The following CAST variants were observed in gnomAD, a reference collection of about 807,000 sequenced individuals.
CAST encodes the protein MIR583 host.
Under a neutral mutation model 119.6 loss-of-function variants are expected in CAST, and 76 were observed. The ratio of observed to expected loss-of-function variants is 0.64; its 90% CI spans 0.53 to 0.77. The LOEUF (loss-of-function observed/expected upper bound fraction) is 0.77, where lower values mean the gene tolerates loss of function less well. Ranked by LOEUF, CAST falls within the 30% of genes least tolerant of loss-of-function variation. The pLI, the probability that CAST is intolerant of heterozygous loss-of-function variation, is 0.00. For missense variants in CAST, 953 were observed against 946.5 expected, an observed-to-expected ratio of 1.01 and a Z score of -0.09; for synonymous variants, 319 against 331.6, an observed-to-expected ratio of 0.96 and a Z score of 0.41.
the CAST span, among the ~76,000 whole-genome samples, chr5:96,378,007 G>A: frequency 1.3e-5 from 2 of 152,082 alleles, no homozygotes; most frequent in South Asian, 4.1e-4. Context: ...TGCCATCTGT[G>A]ACCATATGGA....
the CAST span, among the ~76,000 whole-genome samples, chr5:96,435,001 G>C: frequency 6.6e-6 from 1 of 152,188 alleles, no homozygotes. Flanking sequence ...AAATCCACAT[G>C]TGTGAATGTT....
At chr5:96,646,683 C>G (rs1748017875) in intron 1 of CAST, among the ~76,000 whole-genome samples, 1 of 152,088 alleles carries the variant, frequency 6.6e-6, no homozygotes, top group Non-Finnish European at 1.5e-5. Context: ...CACATGTAAA[C>G]AGGGAATATT....
At chr5:96,127,604 C>T in the CAST span, among the ~76,000 whole-genome samples, 2 of 151,960 alleles carry the variant, frequency 1.3e-5, no homozygotes, top group East Asian at 3.9e-4. Context: ...GGTCTTTCTA[C>T]AGAATATTAA....
intron 3 of CAST, among the ~76,000 whole-genome samples, chr5:96,700,932 T>A (rs2042336): frequency 0.081 from 11,713 of 143,812 alleles, 637 homozygotes; most frequent in African/African-American, 0.15. Context: ...GCGAAAAAAA[T>A]TTTTTTTTTT....
Position 96,762,421 on chromosome 5 carries a change from A to G in CAST, c.1932+49A>G, listed in dbSNP as rs773217548. ...AGATAAATGTTTTTGCGCAGCCACA[A>G]CTAGAAAGAAAATAGGGCGCCTGTT... On this transcript the variant is annotated intron_variant, in intron 25 of 31. Transcript: ENST00000675179. 2.9e-6 allele frequency: 4 copies of G among 1,363,158 alleles called. No homozygotes were observed. The South Asian group carries it at 5.5e-5, about 19-fold the overall frequency. 84.4% of individuals were successfully genotyped at this position (1,363,158 alleles called of 1,614,324 possible). A position where few individuals can be genotyped will look rare whatever the true frequency, so the allele number is the denominator to read the frequency against.
chr5:96,511,314 T>G, the CAST span, among the ~76,000 whole-genome samples: 4 of 152,050 alleles, frequency 2.6e-5, no homozygotes, highest in Non-Finnish European at 5.9e-5. Context: ...CTGGCTAATT[T>G]TTGTATTTTT....
At chr5:96,011,378 A>G in the CAST span, among the ~76,000 whole-genome samples, 1 of 152,210 alleles carries the variant, frequency 6.6e-6, no homozygotes. Flanking sequence ...CTAATAGGAT[A>G]AAATATAGTA....
At chr5:96,597,026 A>G (rs1049328390) in intron 1 of CAST, among the ~76,000 whole-genome samples, 1 of 152,108 alleles carries the variant, frequency 6.6e-6, no homozygotes, top group Non-Finnish European at 1.5e-5. Flanking sequence ...TAAAGGCTCT[A>G]TCTCCTAATA....
chr5:96,082,406 A>G, the CAST span, among the ~76,000 whole-genome samples: 1 of 152,188 alleles, frequency 6.6e-6, no homozygotes, highest in African/African-American at 2.4e-5. Context: ...GCAGGGCACG[A>G]GGAACTCACA....
At chr5:96,663,268 G>A in intron 1 of CAST, 1 of 700,462 alleles carries the variant, frequency 1.4e-6, no homozygotes, top group South Asian at 1.5e-5. Context: ...AGCGTTGTCC[G>A]GGGTTTGGCG....
At chr5:96,276,590 T>C in the CAST span, among the ~76,000 whole-genome samples, 1 of 152,190 alleles carries the variant, frequency 6.6e-6, no homozygotes, top group African/African-American at 2.4e-5. Flanking sequence ...CTCCAAATGG[T>C]CAGCCAAACA....
the CAST span, among the ~76,000 whole-genome samples, chr5:96,504,736 T>C: frequency 1.3e-4 from 20 of 152,334 alleles, no homozygotes; most frequent in Middle Eastern, 3.4e-3. Flanking sequence ...CCCCAAAGTC[T>C]CATCATCTCC....
At chr5:96,183,533 C>T in the CAST span, among the ~76,000 whole-genome samples, 2 of 151,874 alleles carry the variant, frequency 1.3e-5, no homozygotes, top group Non-Finnish European at 2.9e-5. Context: ...GATCTATTAC[C>T]AATAACAATT....
chr5:96,529,754 G>C (rs998659022), upstream of CAST: 4 of 428,736 alleles, frequency 9.3e-6, no homozygotes, highest in African/African-American at 6.2e-5. Flanking sequence ...CAGTTCTCAC[G>C]AGATATAATG....
intron 1 of CAST, among the ~76,000 whole-genome samples, chr5:96,583,336 G>A (rs1222238955): frequency 1.3e-5 from 2 of 151,944 alleles, no homozygotes; most frequent in African/African-American, 4.8e-5. Context: ...TCTGTTCAAA[G>A]GAGGGGGCTC....
the CAST span, among the ~76,000 whole-genome samples, chr5:96,382,048 G>T: frequency 6.6e-6 from 1 of 152,138 alleles, no homozygotes; most frequent in East Asian, 1.9e-4. Context: ...ACAGAAGAGT[G>T]AAAAAGGTGT....
At chr5:96,394,813 T>C in the CAST span, 4 of 1,571,532 alleles carry the variant, frequency 2.5e-6, no homozygotes, top group South Asian at 3.3e-5. Flanking sequence ...ACTGACTACA[T>C]TGTCTACCCC....
chr5:96,733,663 A>C (rs1464424660), intron 9 of CAST, among the ~76,000 whole-genome samples: 2 of 152,176 alleles, frequency 1.3e-5, no homozygotes, highest in African/African-American at 2.4e-5. Flanking sequence ...AGATCACCTG[A>C]GGTCAGGAGC....
chr5:96,636,297 A>G (rs1747885776), intron 1 of CAST, among the ~76,000 whole-genome samples: 1 of 152,228 alleles, frequency 6.6e-6, no homozygotes, highest in Non-Finnish European at 1.5e-5. Flanking sequence ...CTCCTGACAC[A>G]TAGCAGCACT....
Sources: allele counts gnomAD v4.1 joint callset (sites outside exome capture counted in the v4.1 genomes callset), GRCh38; gene constraint gnomAD v4.1.1; transcripts MANE v1.5; gene names NCBI Gene and HGNC (gene_info 2026-07-23, HGNC 2026-07-21).